The following ENTREP2 variants were observed in gnomAD, a reference collection of about 807,000 sequenced individuals.
ENTREP2 encodes the protein endosomal transmembrane epsin interactor 2.
chr15:29,318,678 A>G, the ENTREP2 span, among the ~76,000 whole-genome samples: 1 of 152,186 alleles, frequency 6.6e-6, no homozygotes, highest in Non-Finnish European at 1.5e-5. Flanking sequence ...ACTAGACTAC[A>G]GCTTAGTGTA....
At chr15:29,659,076 T>C in the ENTREP2 span, among the ~76,000 whole-genome samples, 5 of 152,328 alleles carry the variant, frequency 3.3e-5, no homozygotes, top group African/African-American at 9.6e-5. Context: ...TTCTAGCACA[T>C]AAAATTCCTG....
At chr15:29,388,886 T>C in the ENTREP2 span, among the ~76,000 whole-genome samples, 1 of 146,118 alleles carries the variant, frequency 6.8e-6, no homozygotes, top group Non-Finnish European at 1.5e-5. Context: ...ACACTGCATG[T>C]TCTCACTCAT....
chr15:29,340,593 A>C, the ENTREP2 span, among the ~76,000 whole-genome samples: 1 of 152,210 alleles, frequency 6.6e-6, no homozygotes, highest in African/African-American at 2.4e-5. Context: ...TGTTCTAATA[A>C]TGCTAAGCAT....
the ENTREP2 span, among the ~76,000 whole-genome samples, chr15:29,425,187 T>C: frequency 0.72 from 108,409 of 150,404 alleles, 39,250 homozygotes; most frequent in South Asian, 0.87. Context: ...CACCACCACG[T>C]CCAGGTTTTT....
At chr15:29,534,834 C>A in the ENTREP2 span, among the ~76,000 whole-genome samples, 6 of 152,002 alleles carry the variant, frequency 3.9e-5, no homozygotes, top group Non-Finnish European at 5.9e-5. Context: ...TAGTTCCCAG[C>A]ACAAAAAAAG....
the ENTREP2 span, among the ~76,000 whole-genome samples, chr15:29,179,938 A>T: frequency 2.6e-5 from 4 of 152,080 alleles, no homozygotes; most frequent in Admixed American, 2.6e-4. Flanking sequence ...GACTGATGCT[A>T]TGGAAGCAGA....
At chr15:29,265,967 C>G in the ENTREP2 span, 1 of 152,292 alleles carries the variant, frequency 6.6e-6, no homozygotes, top group Non-Finnish European at 1.5e-5. Flanking sequence ...GCACTATACA[C>G]AAATGTAGCT....
chr15:29,392,876 G>A, the ENTREP2 span, among the ~76,000 whole-genome samples: 1 of 152,094 alleles, frequency 6.6e-6, no homozygotes, highest in Non-Finnish European at 1.5e-5. Flanking sequence ...ACTTCATTCT[G>A]GTTACTTTCT....
At chr15:29,372,928 T>TAA in the ENTREP2 span, among the ~76,000 whole-genome samples, 2 of 152,012 alleles carry the variant, frequency 1.3e-5, no homozygotes, top group African/African-American at 2.4e-5. Context: ...AAGATAAAGT[T>TAA]AGAGTCTTCA....
At chr15:29,245,512 CCATT>C in the ENTREP2 span, among the ~76,000 whole-genome samples, 1 of 151,506 alleles carries the variant, frequency 6.6e-6, no homozygotes, top group Non-Finnish European at 1.5e-5. Context: ...ACAAAGAATG[CCATT>C]CAAAAAGTCA....
chr15:29,639,344 G>GT, the ENTREP2 span, among the ~76,000 whole-genome samples: 1 of 152,112 alleles, frequency 6.6e-6, no homozygotes, highest in African/African-American at 2.4e-5. Flanking sequence ...TTATCTGTCG[G>GT]TTTGTCTCTC....
chr15:29,373,783 G>A, the ENTREP2 span: 1 of 151,868 alleles, frequency 6.6e-6, no homozygotes, highest in South Asian at 2.1e-4. Context: ...TTTTTAAAAT[G>A]TCCCTTTCTA....
chr15:29,432,120 T>A, the ENTREP2 span, among the ~76,000 whole-genome samples: 1 of 152,202 alleles, frequency 6.6e-6, no homozygotes, highest in African/African-American at 2.4e-5. Context: ...AAATATAAAA[T>A]TAGTGACATG....
At chr15:29,595,339 C>T in the ENTREP2 span, among the ~76,000 whole-genome samples, 41 of 152,282 alleles carry the variant, frequency 2.7e-4, no homozygotes, top group Admixed American at 1.0e-3. Flanking sequence ...TAGCATAGAG[C>T]TCCCAAATGT....
At chr15:29,339,211 G>A in the ENTREP2 span, among the ~76,000 whole-genome samples, 1 of 152,256 alleles carries the variant, frequency 6.6e-6, no homozygotes, top group Admixed American at 6.5e-5. Flanking sequence ...CCTCCATTCG[G>A]CTTTGATGCC....
At chr15:29,402,292 T>TTGTGTGTGTGTGTGTG in the ENTREP2 span, among the ~76,000 whole-genome samples, 90 of 131,704 alleles carry the variant, frequency 6.8e-4, no homozygotes, top group African/African-American at 2.0e-3. Context: ...GTATATTGTA[T>TTGTGTGTGTGTGTGTG]TGTGTGTGTG....
At chr15:29,636,268 G>T in the ENTREP2 span, among the ~76,000 whole-genome samples, 1 of 152,190 alleles carries the variant, frequency 6.6e-6, no homozygotes, top group Non-Finnish European at 1.5e-5. Context: ...GTTTCCTCAC[G>T]TCGCAACTGT....
At chr15:29,657,084 G>A in the ENTREP2 span, among the ~76,000 whole-genome samples, 4 of 152,110 alleles carry the variant, frequency 2.6e-5, no homozygotes, top group Admixed American at 6.5e-5. Flanking sequence ...GTCTCCCGCT[G>A]TTCCTCACGC....
the ENTREP2 span, among the ~76,000 whole-genome samples, chr15:29,181,599 A>C: frequency 3.3e-5 from 5 of 152,190 alleles, no homozygotes; most frequent in Admixed American, 6.5e-5. Context: ...ACGGTTCCAC[A>C]TTAGAAATCC....
Sources: allele counts gnomAD v4.1 joint callset (sites outside exome capture counted in the v4.1 genomes callset), GRCh38; gene constraint gnomAD v4.1.1; transcripts MANE v1.5; gene names NCBI Gene and HGNC (gene_info 2026-07-23, HGNC 2026-07-21).